Variants in CAMKK1 observed in about 807,000 individuals in gnomAD.
CAMKK1 encodes the protein calcium/calmodulin-dependent protein kinase kinase 1.
Under a neutral mutation model 63.5 loss-of-function variants are expected in CAMKK1, and 20 were observed. The observed-to-expected ratio is 0.32, with a 90% CI of 0.22 to 0.46. The LOEUF (loss-of-function observed/expected upper bound fraction) is 0.46. Ranked by LOEUF, CAMKK1 falls within the 20% of genes least tolerant of loss-of-function variation. The pLI, the probability that CAMKK1 is intolerant of heterozygous loss-of-function variation, is 1.00. For missense variants in CAMKK1, 588 were observed against 658.1 expected (o/e 0.89, Z 1.17); for synonymous variants, 253 against 269.0 (o/e 0.94, Z 0.58).
In CAMKK1 at chr17:3,882,552, G is replaced by C; in HGVS notation, c.661C>G (p.Pro221Ala). The change falls in exon 7 of 16, where the codon CCA becomes GCA. Residue 221 changes from proline (P) to alanine (A), a missense_variant. Physicochemically the swap from Pro to Ala is conservative, Grantham distance 27. Coordinates refer to ENST00000348335, the MANE Select transcript of CAMKK1 (RefSeq NM_032294.3). The surrounding 1 kb of genome is among the most constrained non-coding windows in gnomAD (Gnocchi z 4.3). ...VVKLIEVLDDPAEDNLYLVFD... is the reference protein window; with the variant it reads ...VVKLIEVLDDAAEDNLYLVFD... ...CCCAAATAGAGGTTGTCCTCAGCTG[G>C]GTCATCCAGGACCTGGTCAGAGGGA... is the stretch of plus-strand genomic sequence containing the variant. The C allele has an allele frequency of 6.3e-7, 1 of 1,594,120 alleles. No individual in the cohort carries two copies. The highest frequency in any genetic ancestry group is 8.5e-7 in the Non-Finnish European group (1 of 1,169,892).
chr17:3,871,392 T>C (rs377024495), intron 12 of CAMKK1, among the ~76,000 whole-genome samples: 5 of 139,596 alleles, frequency 3.6e-5, no homozygotes, highest in South Asian at 2.3e-4. Context: ...TCTCGCTCTG[T>C]CGCCCAGGCT....
At position 3,862,064 on chromosome 17, in the gene CAMKK1, G is replaced by A. The variant is rs2143765946; in HGVS notation, c.*147C>T. ...GTCTGTCCCTGGACGTGCGTGCGTG[G>A]AGGTCATGCAGCACGATGGGGGAGG... On this transcript the variant is annotated 3_prime_UTR_variant, in exon 16 of 16. Transcript: ENST00000348335. The surrounding 1 kb of genome is among the most constrained non-coding windows in gnomAD (Gnocchi z 4.1). 6 of 643,184 alleles carry A rather than the reference G, an allele frequency of 9.3e-6. No individual in the cohort carries two copies. Among genetic ancestry groups the A allele is most frequent in the South Asian group, 8.9e-5 (5 of 56,118 alleles). The allele number at this position is 643,184 out of a possible 1,614,324, so 39.8% of individuals were successfully genotyped here.
At chr17:3,888,689 G>A (rs1446900298) in intron 1 of CAMKK1, among the ~76,000 whole-genome samples, 7 of 152,222 alleles carry the variant, frequency 4.6e-5, no homozygotes, top group Admixed American at 4.6e-4. Flanking sequence ...GCGGGCGGGC[G>A]GAAGGCGGCC....
rs187059776 is a variant in CAMKK1 at position 3,883,311 on chromosome 17, C to G, written c.514+118G>C. 7 of 1,472,416 alleles carry G rather than the reference C, an allele frequency of 4.8e-6. No homozygotes were observed. The highest frequency in any genetic ancestry group is 6.6e-6 in the Non-Finnish European group (7 of 1,056,838). 91.2% of individuals were successfully genotyped at this position (1,472,416 alleles called of 1,614,324 possible). ...CACAGGGCACATTCTGTCCCCAGGC[C>G]TCTGCTCACGCTGTCTCCCTCTCTA... On this transcript the variant is annotated intron_variant, in intron 5 of 15. Transcript: ENST00000348335. The surrounding 1 kb of genome is among the most constrained non-coding windows in gnomAD (Gnocchi z 4.7).
At chr17:3,876,763 T>G (rs2055180115) in intron 9 of CAMKK1, among the ~76,000 whole-genome samples, 1 of 109,778 alleles carries the variant, frequency 9.1e-6, no homozygotes, top group South Asian at 2.7e-4. Context: ...TTTGGTTTTT[T>G]TTTTTTTTTT....
intron 9 of CAMKK1, among the ~76,000 whole-genome samples, chr17:3,876,920 G>C (rs2055190653): frequency 6.6e-6 from 1 of 151,966 alleles, no homozygotes; most frequent in African/African-American, 2.4e-5. Context: ...ACCACGCCCG[G>C]CTACTTTTTG....
At chr17:3,868,025 AGGCGCC>A (rs2054617216) in intron 14 of CAMKK1, among the ~76,000 whole-genome samples, 3 of 134,460 alleles carry the variant, frequency 2.2e-5, no homozygotes, top group Non-Finnish European at 4.8e-5. Flanking sequence ...GGGGAGAAGC[AGGCGCC>A]GTCTAACTGA....
chr17:3,866,515 G>A (rs1423216139), intron 14 of CAMKK1, among the ~76,000 whole-genome samples: 1 of 152,236 alleles, frequency 6.6e-6, no homozygotes, highest in African/African-American at 2.4e-5. Flanking sequence ...TCCCTCCTCC[G>A]TGACAAGGAC....
Position 3,884,879 on chromosome 17 carries a change from T to C in CAMKK1, c.360+449A>G, listed in dbSNP as rs2055575433. ...CAGCCCCTGACATCTGTAGACTGCT[T>C]GGAACCTGAGTTCACTTTCAGACCT... On this transcript the variant is annotated intron_variant, in intron 2 of 15. Transcript: ENST00000348335. This position sits in a 1 kb window ranked among gnomAD's most constrained non-coding sequence, Gnocchi z 4.5. Among the ~76,000 whole-genome samples, 1 of 152,168 alleles carries C rather than the reference T, an allele frequency of 6.6e-6. No individual in the cohort carries two copies. Among genetic ancestry groups the C allele is most frequent in the Admixed American group, 6.5e-5 (1 of 15,270 alleles).
rs906312697 is a variant in CAMKK1, at chr17:3,862,732, C to T, written c.1446-449G>A. On this transcript the variant is annotated intron_variant, in intron 15 of 15. Coordinates refer to ENST00000348335, the MANE Select transcript of CAMKK1 (RefSeq NM_032294.3). This position sits in a 1 kb window ranked among gnomAD's most constrained non-coding sequence, Gnocchi z 4.1. ...GCAACCTCTGCCTTCCAGGCTCAAG[C>T]GATCCTCCCACCTCAGCCTCCTGAG... Among the ~76,000 whole-genome samples the T allele has an allele frequency of 1.3e-5, 2 of 152,212 alleles. No individual in the cohort carries two copies. Among genetic ancestry groups the T allele is most frequent in the Non-Finnish European group, 2.9e-5 (2 of 68,040 alleles).
chr17:3,879,126 T>G lies in CAMKK1; in HGVS notation c.796+1220A>C, dbSNP rs997225259. On this transcript the variant is annotated intron_variant, in intron 9 of 15. Coordinates refer to ENST00000348335, the MANE Select transcript of CAMKK1 (RefSeq NM_032294.3). The surrounding 1 kb of genome is among the most constrained non-coding windows in gnomAD (Gnocchi z 4.5). ...CCTGCGCCTGGCCCAAGCTAAGATT[T>G]TAGAGATGGGCATCTCCCCTGGTCC... 7 of 152,376 alleles carry G rather than the reference T, an allele frequency of 4.6e-5. No homozygotes were observed. The highest frequency in any genetic ancestry group is 1.7e-4 in the African/African-American group (7 of 41,420). The allele number at this position is 152,376 out of a possible 1,614,324, so 9.4% of individuals were successfully genotyped here. A position where few individuals can be genotyped will look rare whatever the true frequency, so the allele number is the denominator to read the frequency against.
At chr17:3,867,982 T>C (rs57308180) in intron 14 of CAMKK1, among the ~76,000 whole-genome samples, 23,594 of 81,092 alleles carry the variant, frequency 0.29, 3,399 homozygotes, top group African/African-American at 0.38. Flanking sequence ...CTGGGGGAGA[T>C]GCAGGCACCG....
Position 3,883,990 on chromosome 17 carries a change from C to G in CAMKK1, c.409-53G>C. ...CTGGACAGGGCAACCCCTCCCAGGA[C>G]CAGCTCAGGAGGTGGGGAGCCGAGC... On this transcript the variant is annotated intron_variant, in intron 3 of 15. Transcript: ENST00000348335. This position sits in a 1 kb window ranked among gnomAD's most constrained non-coding sequence, Gnocchi z 4.7. 6.4e-7 allele frequency: 1 copy of G among 1,573,056 alleles called. No individual in the cohort carries two copies. Among genetic ancestry groups the G allele is most frequent in the Non-Finnish European group, 8.7e-7 (1 of 1,146,002 alleles).
chr17:3,890,573 G>A lies in CAMKK1; in HGVS notation c.-44+2366C>T, dbSNP rs2055861140. 1.3e-6 allele frequency: 1 copy of A among 761,270 alleles called. No individual in the cohort carries two copies. The highest frequency in any genetic ancestry group is 2.4e-5 in the East Asian group (1 of 41,010). 47.2% of individuals were successfully genotyped at this position (761,270 alleles called of 1,614,324 possible). ...CTGCTCGTCCTCCTCTGTCTCCATT[G>A]CGAGACGGGTACCACACCCTCCCCA... On this transcript the variant is annotated intron_variant, in intron 1 of 15. Transcript: ENST00000348335. This position sits in a 1 kb window ranked among gnomAD's most constrained non-coding sequence, Gnocchi z 6.5.
At position 3,882,588 on chromosome 17, in the gene CAMKK1, G is replaced by A. The variant is rs1198253900; in HGVS notation, c.649-24C>T. The stretch of plus-strand genomic sequence containing the variant: ...ACCTGGTCAGAGGGAGCAGACATGG[G>A]GGTGGGGCTTGAGGAGGCGTGGGGT... On this transcript the variant is annotated intron_variant, in intron 6 of 15. Coordinates refer to ENST00000348335, the MANE Select transcript of CAMKK1 (RefSeq NM_032294.3). The surrounding 1 kb of genome is among the most constrained non-coding windows in gnomAD (Gnocchi z 4.3). 5 of 1,586,938 alleles carry A rather than the reference G, an allele frequency of 3.2e-6. No individual in the cohort carries two copies. Among genetic ancestry groups the A allele is most frequent in the Non-Finnish European group, 4.3e-6 (5 of 1,166,608 alleles).
In CAMKK1 at chr17:3,887,255, G is replaced by T. The variant is rs1242093099; in HGVS notation, c.-43-1525C>A. On this transcript the variant is annotated intron_variant, in intron 1 of 15. Transcript: ENST00000348335. The surrounding 1 kb of genome is among the most constrained non-coding windows in gnomAD (Gnocchi z 6.1). ...CCCATATTTTCCAGGCTCACAGCAG[G>T]GTTTGGAGGTAGACTGAGGGTAAGG... is the stretch of plus-strand genomic sequence containing the variant. 6.6e-6 allele frequency among the ~76,000 whole-genome samples: 1 copy of T among 152,176 alleles called. No individual in the cohort carries two copies. Among genetic ancestry groups the T allele is most frequent in the African/African-American group, 2.4e-5 (1 of 41,446 alleles).
Position 3,884,529 on chromosome 17 carries a change from T to G in CAMKK1, c.361-102A>C. The G allele has an allele frequency of 2.8e-6, 3 of 1,060,626 alleles. No individual in the cohort carries two copies. Among genetic ancestry groups the G allele is most frequent in the Non-Finnish European group, 4.1e-6 (3 of 725,556 alleles). 65.7% of individuals were successfully genotyped at this position (1,060,626 alleles called of 1,614,324 possible). Reference sequence around the variant, plus strand: ...TCCAATTCTGGCCATAAGCTCCTCATTCCCGGACCCCCAGGTCTCACCAAG... The same window carrying G: ...TCCAATTCTGGCCATAAGCTCCTCAGTCCCGGACCCCCAGGTCTCACCAAG... On this transcript the variant is annotated intron_variant, in intron 2 of 15. Transcript: ENST00000348335. This position sits in a 1 kb window ranked among gnomAD's most constrained non-coding sequence, Gnocchi z 4.5.
At chr17:3,865,603 A>C (rs2054488533) in intron 15 of CAMKK1, 1 of 1,209,242 alleles carries the variant, frequency 8.3e-7, no homozygotes, top group African/African-American at 1.5e-5. Context: ...TGAGAGAGTG[A>C]CATCAAGCTG....
At position 3,882,893 on chromosome 17, in the gene CAMKK1, A is replaced by T; in HGVS notation, c.648+149T>A. The T allele has an allele frequency of 9.5e-7, 1 of 1,048,374 alleles. No homozygotes were observed. Among genetic ancestry groups the T allele is most frequent in the Non-Finnish European group, 1.4e-6 (1 of 733,870 alleles). 64.9% of individuals were successfully genotyped at this position (1,048,374 alleles called of 1,614,324 possible). ...GCCCCCAAAGCCTTCCTGCAGCCCC[A>T]CCCCAAGTCTGGCCCTGTCCTCAGA... is the stretch of plus-strand genomic sequence containing the variant. On this transcript the variant is annotated intron_variant, in intron 6 of 15. Transcript: ENST00000348335. The surrounding 1 kb of genome is among the most constrained non-coding windows in gnomAD (Gnocchi z 4.3).
Sources: gnomAD v4.1 joint callset for allele counts (sites outside exome capture counted in the v4.1 genomes callset) on GRCh38, gnomAD v4.1.1 for gene constraint, Gnocchi (gnomAD v3.1) non-coding constraint, MANE v1.5 for transcripts, NCBI Gene and HGNC (gene_info 2026-07-23, HGNC 2026-07-21) for gene names.